EYA4: variants seen among roughly 807,000 people sequenced by gnomAD.
The protein encoded by EYA4 is protein phosphatase EYA4.
EYA4 carries 31 observed loss-of-function variants against 87.9 expected under a neutral mutation model. The ratio of observed to expected loss-of-function variants is 0.35; its 90% CI spans 0.27 to 0.48. The LOEUF (loss-of-function observed/expected upper bound fraction) is 0.48. Among genes scored for constraint, EYA4 ranks in the 20% least tolerant of loss-of-function variants. EYA4 has a pLI of 0.99. For missense variants in EYA4, 678 were observed against 761.4 expected, an observed-to-expected ratio of 0.89 and a Z score of 1.29; for synonymous variants, 263 against 270.6, an observed-to-expected ratio of 0.97 and a Z score of 0.28.
At chr6:133,257,883 T>C (rs1266627946) in intron 1 of EYA4, among the ~76,000 whole-genome samples, 7 of 147,792 alleles carry the variant, frequency 4.7e-5, no homozygotes, top group Non-Finnish European at 1.1e-4. Flanking sequence ...ATTTATGCAC[T>C]ATTGACTATT....
At chr6:133,412,069 G>C (rs1789289947) in intron 3 of EYA4, among the ~76,000 whole-genome samples, 1 of 152,164 alleles carries the variant, frequency 6.6e-6, no homozygotes, top group African/African-American at 2.4e-5. Context: ...TTAAAAAGTA[G>C]AGGGTTATTA....
Position 133,337,603 on chromosome 6 carries a change from A to G in EYA4, c.34-44789A>G, listed in dbSNP as rs1430597244. Among the ~76,000 whole-genome samples, 3 of 152,308 alleles carry G rather than the reference A, an allele frequency of 2.0e-5. No homozygotes were observed. The East Asian group carries it at 5.8e-4, about 29-fold the overall frequency. On this transcript the variant is annotated intron_variant, in intron 2 of 19. Transcript: ENST00000355286. The stretch of plus-strand genomic sequence containing the variant: ...GGTAGTTAAACACAGCTTAAATGGA[A>G]AAACAGACCTTCAGAAAGTACTGTA...
chr6:133,495,748 G>T (rs568945561), intron 13 of EYA4, among the ~76,000 whole-genome samples: 65 of 152,284 alleles, frequency 4.3e-4, no homozygotes, highest in African/African-American at 1.6e-3. Context: ...TGCAGGGCCT[G>T]TTGAGCACAG....
intron 2 of EYA4, among the ~76,000 whole-genome samples, chr6:133,282,440 ACT>A (rs561067683): frequency 6.9e-4 from 105 of 151,946 alleles, no homozygotes; most frequent in Non-Finnish European, 1.4e-3. Flanking sequence ...TATTTTTTAA[ACT>A]CTGAATTTTT....
chr6:133,431,228 G>A (rs1791154338), intron 3 of EYA4, among the ~76,000 whole-genome samples: 1 of 152,178 alleles, frequency 6.6e-6, no homozygotes, highest in African/African-American at 2.4e-5. Flanking sequence ...GAGACTGTGG[G>A]AGGAATTTGG....
intron 2 of EYA4, among the ~76,000 whole-genome samples, chr6:133,366,907 A>G (rs927017235): frequency 6.6e-6 from 1 of 152,166 alleles, no homozygotes; most frequent in Non-Finnish European, 1.5e-5. Context: ...TCAGAATTAC[A>G]TGACTATGCT....
At chr6:133,341,463 A>T (rs1782771887) in intron 2 of EYA4, among the ~76,000 whole-genome samples, 1 of 152,216 alleles carries the variant, frequency 6.6e-6, no homozygotes, top group Non-Finnish European at 1.5e-5. Flanking sequence ...ATTCTGAGAG[A>T]TGTGGATAAA....
intron 3 of EYA4, among the ~76,000 whole-genome samples, chr6:133,418,404 C>T (rs1380926609): frequency 6.6e-6 from 1 of 152,154 alleles, no homozygotes; most frequent in Admixed American, 6.5e-5. Context: ...CCCCACAGTG[C>T]CTTACACAGC....
chr6:133,397,578 T>C (rs17062451), intron 3 of EYA4, among the ~76,000 whole-genome samples: 9,363 of 152,270 alleles, frequency 0.061, 884 homozygotes, highest in African/African-American at 0.2. Flanking sequence ...TGATTTATTG[T>C]TTATCAGTGC....
chr6:133,254,945 C>T (rs1162140764), intron 1 of EYA4, among the ~76,000 whole-genome samples: 1 of 152,210 alleles, frequency 6.6e-6, no homozygotes, highest in East Asian at 1.9e-4. Flanking sequence ...GTTGAGAATG[C>T]TGGAATCAGA....
chr6:133,433,564 C>A (rs1182442825), intron 3 of EYA4, among the ~76,000 whole-genome samples: 1 of 152,186 alleles, frequency 6.6e-6, no homozygotes, highest in Non-Finnish European at 1.5e-5. Flanking sequence ...CCATGTTGGC[C>A]AGGATGGTCT....
chr6:133,356,049 AAGAGAGAAAGAGAG>A (rs1562323647), intron 2 of EYA4, among the ~76,000 whole-genome samples: 6 of 129,012 alleles, frequency 4.7e-5, no homozygotes. Flanking sequence ...GAAAGAGAGA[AAGAGAGAAAGAGAG>A]AGAGAGAGAG....
At chr6:133,260,051 C>T (rs757894255) in intron 1 of EYA4, among the ~76,000 whole-genome samples, 1 of 151,996 alleles carries the variant, frequency 6.6e-6, no homozygotes, top group Non-Finnish European at 1.5e-5. Flanking sequence ...TTTTATGGTT[C>T]TCTTCCAGGT....
At chr6:133,405,643 A>G (rs558208636) in intron 3 of EYA4, among the ~76,000 whole-genome samples, 3 of 152,342 alleles carry the variant, frequency 2.0e-5, no homozygotes, top group Non-Finnish European at 4.4e-5. Context: ...ACAGCAAAGT[A>G]TAAAACAGAC....
rs1480687110 is a variant in EYA4 at position 133,385,411 on chromosome 6, G to C, written c.83+2970G>C. Among the ~76,000 whole-genome samples the C allele has an allele frequency of 6.3e-5, 9 of 143,700 alleles. No individual in the cohort carries two copies. The East Asian group carries it at 9.8e-4, about 16-fold the overall frequency. 94.3% of individuals were successfully genotyped at this position (143,700 alleles called of 152,430 possible). On this transcript the variant is annotated intron_variant, in intron 3 of 19. Coordinates refer to ENST00000355286, the MANE Select transcript of EYA4 (RefSeq NM_004100.5). ...TCTCTCTGTGTGTGTGTGTGTGTGT[G>C]TGTGTGTGTGTGTGTGTGTGTGTGT...
intron 2 of EYA4, among the ~76,000 whole-genome samples, chr6:133,348,903 G>C (rs1783423600): frequency 6.6e-6 from 1 of 152,046 alleles, no homozygotes; most frequent in South Asian, 2.1e-4. Flanking sequence ...TTGTTCCTCT[G>C]CTCAAACCTG....
At chr6:133,366,257 C>T (rs188453387) in intron 2 of EYA4, among the ~76,000 whole-genome samples, 10 of 152,180 alleles carry the variant, frequency 6.6e-5, no homozygotes, top group Admixed American at 2.0e-4. Flanking sequence ...ACATTTTGGA[C>T]GGTAAATATA....
intron 2 of EYA4, among the ~76,000 whole-genome samples, chr6:133,286,255 C>T (rs889538307): frequency 6.6e-6 from 1 of 152,166 alleles, no homozygotes; most frequent in Non-Finnish European, 1.5e-5. Context: ...TGTTAACCAA[C>T]TAAGCTAATT....
chr6:133,345,309 C>G (rs1783110475), intron 2 of EYA4, among the ~76,000 whole-genome samples: 1 of 151,920 alleles, frequency 6.6e-6, no homozygotes, highest in Non-Finnish European at 1.5e-5. Context: ...TTGAGTTTGT[C>G]ATTTCTGAAG....
Sources: allele counts gnomAD v4.1 joint callset (sites outside exome capture counted in the v4.1 genomes callset), GRCh38; gene constraint gnomAD v4.1.1; transcripts MANE v1.5; gene names NCBI Gene and HGNC (gene_info 2026-07-23, HGNC 2026-07-21).